The following PSEN2 variants were observed in gnomAD, a reference collection of about 807,000 sequenced individuals.
PSEN2 encodes the protein presenilin 2.
In PSEN2, 32 loss-of-function variants were observed where a neutral mutation model predicts 49.1. The ratio of observed to expected loss-of-function variants is 0.65; its 90% CI spans 0.49 to 0.88. PSEN2 has a LOEUF of 0.88. Among genes scored for constraint, PSEN2 ranks in the 40% least tolerant of loss-of-function variants. PSEN2 has a pLI of 0.00. For missense variants in PSEN2, 522 were observed against 586.9 expected (o/e 0.89, Z 1.14); for synonymous variants, 255 against 244.0 (o/e 1.05, Z -0.42).
At chr1:226,873,648 T>C (rs1225643074) in intron 2 of PSEN2, among the ~76,000 whole-genome samples, 1 of 152,134 alleles carries the variant, frequency 6.6e-6, no homozygotes, top group Admixed American at 6.5e-5. Flanking sequence ...ACTCCTGACC[T>C]CAGGTGATCC....
At chr1:226,901,940 A>G (rs1662332237) in intron 12 of PSEN2, among the ~76,000 whole-genome samples, 1 of 152,198 alleles carries the variant, frequency 6.6e-6, no homozygotes, top group African/African-American at 2.4e-5. Context: ...GGGTCATTTA[A>G]TAAGAGTGGT....
At position 226,885,626 on chromosome 1, in the gene PSEN2, A is replaced by G; in HGVS notation, c.445A>G (p.Ile149Val). The G allele has an allele frequency of 6.2e-7, 1 of 1,613,078 alleles. No individual in the cohort carries two copies. The highest frequency in any genetic ancestry group is 8.5e-7 in the Non-Finnish European group (1 of 1,179,982). Residue 149 changes from isoleucine to valine, a missense_variant, in exon 6 of 13, where the codon ATC (isoleucine) becomes GTC (valine). Transcript: ENST00000366783. ...VLNTLIMISV[I>V]VVMTIFLVVL... is the part of the protein sequence containing the mutation. ...GAACACCCTCATCATGATCAGCGTCATCGTGGTTATGACCATCTTCTTGGT... is the reference window on the plus strand; with the variant it reads ...GAACACCCTCATCATGATCAGCGTCGTCGTGGTTATGACCATCTTCTTGGT...
intron 9 of PSEN2, chr1:226,890,460 G>T (rs1661669889): frequency 1.4e-5 from 5 of 367,440 alleles, no homozygotes; most frequent in South Asian, 1.2e-4. Flanking sequence ...AGGGACTTTG[G>T]AGAGGGATTC....
chr1:226,895,539 C>T lies in PSEN2; in HGVS notation c.1307C>T (p.Pro436Leu), dbSNP rs749755334. 1.8e-5 allele frequency: 29 copies of T among 1,613,774 alleles called. No homozygotes were observed. The highest frequency in any genetic ancestry group is 2.2e-5 in the East Asian group (1 of 44,876). The change falls in exon 13 of 13, where the codon CCG (proline) becomes CTG (leucine). Residue 436 changes from proline to leucine, a missense_variant. Coordinates refer to ENST00000366783, the MANE Select transcript of PSEN2 (RefSeq NM_000447.3). Reference sequence around the variant, plus strand: ...TTCTCCACGGACAACCTGGTGCGGCCGTTCATGGACACCCTGGCCTCCCAT... The same window carrying T: ...TTCTCCACGGACAACCTGGTGCGGCTGTTCATGGACACCCTGGCCTCCCAT... ...FYFSTDNLVR[P>L]FMDTLASHQL...
chr1:226,872,930 C>A (rs1660399872), intron 2 of PSEN2, among the ~76,000 whole-genome samples: 1 of 152,156 alleles, frequency 6.6e-6, no homozygotes, highest in African/African-American at 2.4e-5. Context: ...GTAATCCCAG[C>A]ACTTTGGGAG....
At chr1:226,887,376 C>G (rs1661428018) in intron 6 of PSEN2, among the ~76,000 whole-genome samples, 1 of 152,124 alleles carries the variant, frequency 6.6e-6, no homozygotes, top group African/African-American at 2.4e-5. Flanking sequence ...TCCCAGTGGG[C>G]TGAGCTGGTG....
chr1:226,878,625 G>T (rs1338661206), intron 3 of PSEN2, among the ~76,000 whole-genome samples: 1 of 152,204 alleles, frequency 6.6e-6, no homozygotes, highest in Non-Finnish European at 1.5e-5. Context: ...GGAGGCTGCA[G>T]CCTGTGGCTT....
At chr1:226,897,241 C>T (rs1662181704), downstream of PSEN2, among the ~76,000 whole-genome samples, 1 of 152,160 alleles carries the variant, frequency 6.6e-6, no homozygotes, top group Non-Finnish European at 1.5e-5. Flanking sequence ...GCAATTATGG[C>T]AGTGTTTATC....
At chr1:226,877,158 A>G (rs1203174248) in intron 3 of PSEN2, among the ~76,000 whole-genome samples, 1 of 151,784 alleles carries the variant, frequency 6.6e-6, no homozygotes, top group African/African-American at 2.4e-5. Context: ...GGTGATTATA[A>G]AGCAGAGACA....
intron 9 of PSEN2, chr1:226,890,445 T>A: frequency 5.3e-6 from 2 of 380,414 alleles, no homozygotes; most frequent in South Asian, 4.5e-5. Flanking sequence ...TCCAGGCTCT[T>A]GAGAAGGGAC....
At chr1:226,900,805 A>G (rs1158928029), downstream of PSEN2, among the ~76,000 whole-genome samples, 1 of 152,158 alleles carries the variant, frequency 6.6e-6, no homozygotes, top group African/African-American at 2.4e-5. Context: ...CTTAGGAAGG[A>G]CCTCGAGACA....
downstream of PSEN2, among the ~76,000 whole-genome samples, chr1:226,900,365 T>A (rs1174212684): frequency 6.6e-6 from 1 of 152,176 alleles, no homozygotes; most frequent in Non-Finnish European, 1.5e-5. Context: ...TGCACCCCCC[T>A]GCCCCCTCTG....
rs61837798 is a variant in PSEN2 at position 226,887,308 on chromosome 1, T to A, written c.499-783T>A. On this transcript the variant is annotated intron_variant, in intron 6 of 12. Coordinates refer to ENST00000366783, the MANE Select transcript of PSEN2 (RefSeq NM_000447.3). ...GCAGCCCCTTCCCCTTTTGGCTGTG[T>A]GTGCAGCAGGGCCGTGGAGGCTGCT... Among the ~76,000 whole-genome samples the A allele has an allele frequency of 3.3e-5, 5 of 152,104 alleles. No individual in the cohort carries two copies. The East Asian group carries it at 7.7e-4, about 23-fold the overall frequency.
chr1:226,890,703 G>A, intron 9 of PSEN2: 1 of 199,760 alleles, frequency 5.0e-6, no homozygotes, highest in Non-Finnish European at 1.0e-5. Context: ...AGACCACAGG[G>A]TCCCAGGCCT....
At chr1:226,899,681 T>A (rs536042824), downstream of PSEN2, 3 of 152,456 alleles carry the variant, frequency 2.0e-5, no homozygotes, top group African/African-American at 7.2e-5. Context: ...CAAGATGGGC[T>A]AGAATCCTTT....
At position 226,895,939 on chromosome 1, in the gene PSEN2, G is replaced by A. The variant is rs1377698510; in HGVS notation, c.*360G>A. 1 of 385,490 alleles carries A rather than the reference G, an allele frequency of 2.6e-6. No individual in the cohort carries two copies. The highest frequency in any genetic ancestry group is 2.1e-5 in the African/African-American group (1 of 48,666). 23.9% of individuals were successfully genotyped at this position (385,490 alleles called of 1,614,324 possible). On this transcript the variant is annotated 3_prime_UTR_variant, in exon 13 of 13. Coordinates refer to ENST00000366783, the MANE Select transcript of PSEN2 (RefSeq NM_000447.3). ...GCACCTGGGTGCTCTGGCTGGAGAG[G>A]AAAAGCCAGTTCCCTACGAGGAGTG...
At chr1:226,901,253 T>C (rs1318714441), downstream of PSEN2, among the ~76,000 whole-genome samples, 2 of 151,998 alleles carry the variant, frequency 1.3e-5, no homozygotes, top group Non-Finnish European at 2.9e-5. Context: ...CTGGCCGACA[T>C]GGTGAAACTC....
At chr1:226,886,735 C>G (rs1404859244) in intron 6 of PSEN2, among the ~76,000 whole-genome samples, 5 of 152,130 alleles carry the variant, frequency 3.3e-5, no homozygotes, top group African/African-American at 1.2e-4. Context: ...GAGCCCCCTT[C>G]CAGCGGGGGC....
rs201908554 is a variant in PSEN2 at position 226,888,959 on chromosome 1, A to G, written c.697A>G (p.Ile233Val). 1 of 1,614,168 alleles carries G rather than the reference A, an allele frequency of 6.2e-7. No homozygotes were observed. Among genetic ancestry groups the G allele is most frequent in the African/African-American group, 1.3e-5 (1 of 75,024 alleles). Residue 233 changes from isoleucine (I) to valine (V), a missense_variant, in exon 8 of 13, where the codon ATC (isoleucine) becomes GTC (valine). Coordinates refer to ENST00000366783, the MANE Select transcript of PSEN2 (RefSeq NM_000447.3). ...TCTGGTGCTGCAGCAGGCCTACCTC[A>G]TCATGATCAGTGCGCTCATGGCCCT... ...GPLVLQQAYL[I>V]MISALMALVF...
Sources: gnomAD v4.1 joint callset for allele counts (sites outside exome capture counted in the v4.1 genomes callset) on GRCh38, gnomAD v4.1.1 for gene constraint, MANE v1.5 for transcripts, NCBI Gene and HGNC (gene_info 2026-07-23, HGNC 2026-07-21) for gene names.